The following YIPF7 variants were observed in gnomAD, a reference collection of about 807,000 sequenced individuals.
YIPF7 encodes Yip1 domain family member 7.
A neutral mutation model predicts 27.2 loss-of-function variants in YIPF7; 35 were observed. That is an observed-to-expected ratio of 1.29 (90% CI 0.98 to 1.70). YIPF7 has a LOEUF of 1.70. Ranked by LOEUF, YIPF7 falls within the 40% of genes most tolerant of loss-of-function variation. YIPF7 has a pLI of 0.00. For synonymous variants in YIPF7, 137 were observed against 110.4 expected, an observed-to-expected ratio of 1.24 and a Z score of -1.51; for missense variants, 358 against 303.7, an observed-to-expected ratio of 1.18 and a Z score of -1.33.
intron 3 of YIPF7, among the ~76,000 whole-genome samples, chr4:44,634,495 G>T (rs1713036192): frequency 6.6e-6 from 1 of 152,004 alleles, no homozygotes; most frequent in African/African-American, 2.4e-5. Flanking sequence ...TTGGGCCACT[G>T]CACTCCAGCC....
At chr4:44,651,650 T>C, upstream of YIPF7, 1 of 1,513,326 alleles carries the variant, frequency 6.6e-7, no homozygotes, top group East Asian at 2.4e-5. Flanking sequence ...ATGCTGGCTA[T>C]ATATATACCT....
At chr4:44,659,143 A>G (rs1210144172) in intron 2 of YIPF7, among the ~76,000 whole-genome samples, 1 of 152,202 alleles carries the variant, frequency 6.6e-6, no homozygotes, top group Non-Finnish European at 1.5e-5. Context: ...TGTTGAAAGC[A>G]ACACCCATTT....
upstream of YIPF7, among the ~76,000 whole-genome samples, chr4:44,654,382 T>TA (rs916063207): frequency 2.0e-5 from 3 of 151,936 alleles, no homozygotes; most frequent in Admixed American, 2.0e-4. Context: ...TCACCTGATG[T>TA]AAAAAAGCCG....
chr4:44,624,275 G>T (rs1275278817), intron 5 of YIPF7, among the ~76,000 whole-genome samples: 1 of 152,024 alleles, frequency 6.6e-6, no homozygotes, highest in East Asian at 1.9e-4. Flanking sequence ...CGCTGGTTAG[G>T]CTGGTCTCGA....
upstream of YIPF7, among the ~76,000 whole-genome samples, chr4:44,654,068 T>C (rs1270200153): frequency 6.6e-6 from 1 of 152,046 alleles, no homozygotes; most frequent in Non-Finnish European, 1.5e-5. Context: ...TTATAAACCA[T>C]GGAACATTGA....
chr4:44,623,551 T>A (rs1455067056), intron 5 of YIPF7, among the ~76,000 whole-genome samples: 1 of 152,178 alleles, frequency 6.6e-6, no homozygotes, highest in Non-Finnish European at 1.5e-5. Context: ...TTCTAATAAT[T>A]GAACCAAAGC....
intron 3 of YIPF7, among the ~76,000 whole-genome samples, chr4:44,634,130 CT>C (rs1257045024): frequency 6.6e-6 from 1 of 152,170 alleles, no homozygotes; most frequent in Non-Finnish European, 1.5e-5. Flanking sequence ...AAGGAATAAC[CT>C]TTAAGGCGTG....
At chr4:44,646,312 A>G (rs1577741920) in intron 2 of YIPF7, among the ~76,000 whole-genome samples, 1 of 152,298 alleles carries the variant, frequency 6.6e-6, no homozygotes, top group East Asian at 1.9e-4. Flanking sequence ...GGTAGCTGGG[A>G]TAGTTGGCTT....
Position 44,622,522 on chromosome 4 carries a change from T to C in YIPF7, c.663A>G (p.Ser221=). 1 of 1,613,828 alleles carries C rather than the reference T, an allele frequency of 6.2e-7. No individual in the cohort carries two copies. The highest frequency in any genetic ancestry group is 8.5e-7 in the Non-Finnish European group (1 of 1,179,816). The stretch of plus-strand genomic sequence containing the variant: ...AGGCTGCAATGAAGATCTTGGAAGC[T>C]GAGAGACTACACCAGCCAATGATGA... The part of the protein sequence containing the change: ...SLVIIGWCSL[S]ASKIFIAALH... The change falls in exon 6 of 6, where the codon TCA becomes TCG. Residue 221 remains serine, a synonymous_variant. Coordinates refer to ENST00000415895, the MANE Select transcript of YIPF7 (RefSeq NM_182592.3).
intron 2 of YIPF7, among the ~76,000 whole-genome samples, chr4:44,644,411 G>T (rs961283465): frequency 3.9e-5 from 6 of 152,214 alleles, no homozygotes; most frequent in African/African-American, 1.4e-4. Context: ...CCACATTAAA[G>T]CCACCATGGG....
At chr4:44,637,420 A>G (rs894140625) in intron 2 of YIPF7, among the ~76,000 whole-genome samples, 1 of 152,032 alleles carries the variant, frequency 6.6e-6, no homozygotes, top group East Asian at 1.9e-4. Context: ...ACTTTTTGTC[A>G]TTTTAATAAG....
upstream of YIPF7, among the ~76,000 whole-genome samples, chr4:44,654,318 A>C (rs1713826339): frequency 6.6e-6 from 1 of 151,938 alleles, no homozygotes; most frequent in South Asian, 2.1e-4. Flanking sequence ...TGTTTTAGTA[A>C]TTGTTTCTGT....
chr4:44,650,203 T>G, intron 1 of YIPF7, 102 bp from the exon 2 acceptor site: 1 of 745,018 alleles, frequency 1.3e-6, no homozygotes, highest in Non-Finnish European at 2.3e-6. Context: ...GCTGAATTCC[T>G]ATCAGAAAAA....
chr4:44,648,931 T>C (rs2109599695), intron 2 of YIPF7, among the ~76,000 whole-genome samples: 1 of 152,266 alleles, frequency 6.6e-6, no homozygotes, highest in South Asian at 2.1e-4. Context: ...TTCTTAATCA[T>C]TTTGTTTCAT....
At chr4:44,636,213 C>G (rs899161855) in intron 2 of YIPF7, 128 bp from the exon 3 acceptor site, 8 of 1,020,890 alleles carry the variant, frequency 7.8e-6, no homozygotes, top group Non-Finnish European at 1.1e-5. Flanking sequence ...AAAGAAACAA[C>G]TTACTTAAAA....
At chr4:44,629,691 A>G in intron 3 of YIPF7, 143 bp from the exon 4 acceptor site, 1 of 545,372 alleles carries the variant, frequency 1.8e-6, no homozygotes, top group Non-Finnish European at 2.9e-6. Context: ...CTAAAGTTCT[A>G]TGTTCTGTAT....
intron 2 of YIPF7, among the ~76,000 whole-genome samples, chr4:44,659,299 T>C (rs1405155675): frequency 6.7e-6 from 1 of 150,002 alleles, no homozygotes; most frequent in East Asian, 1.9e-4. Context: ...AAAGATGAAA[T>C]GTAAAGACAA....
rs572051225 is a variant in YIPF7 at position 44,643,750 on chromosome 4, T to G, written c.116+6235A>C. ...CAGCCTTGGGGCAAATGAGCCCAGT[T>G]ACAGCTCACTGCTTCAGAGGATGCA... On this transcript the variant is annotated intron_variant, in intron 2 of 5. Coordinates refer to ENST00000415895, the MANE Select transcript of YIPF7 (RefSeq NM_182592.3). Among the ~76,000 whole-genome samples, 4 of 152,228 alleles carry G rather than the reference T, an allele frequency of 2.6e-5. No individual in the cohort carries two copies. In the South Asian group the frequency reaches 8.3e-4, roughly 32 times the overall value.
chr4:44,638,806 C>A (rs905297420), intron 2 of YIPF7, among the ~76,000 whole-genome samples: 3 of 152,068 alleles, frequency 2.0e-5, no homozygotes, highest in African/African-American at 7.2e-5. Context: ...TTTATTCAAG[C>A]ATTTTTATAG....
Sources: gnomAD v4.1 joint callset for allele counts (sites outside exome capture counted in the v4.1 genomes callset) on GRCh38, gnomAD v4.1.1 for gene constraint, MANE v1.5 for transcripts, NCBI Gene and HGNC (gene_info 2026-07-23, HGNC 2026-07-21) for gene names.